Variants in ERI1 observed in about 807,000 individuals in gnomAD.
ERI1 encodes exoribonuclease 1, also known as 3'-5' exoribonuclease 1.
In ERI1, 39 loss-of-function variants were observed where a neutral mutation model predicts 39.7. The observed-to-expected ratio is 0.98, with a 90% CI of 0.76 to 1.28. The LOEUF (loss-of-function observed/expected upper bound fraction) is 1.28, where lower values mean the gene tolerates loss of function less well. Among genes scored for constraint, ERI1 ranks in the 50% most tolerant of loss-of-function variants. The pLI is 0.00. For synonymous variants in ERI1, 204 were observed against 149.6 expected (o/e 1.36, Z -2.65); for missense variants, 581 against 416.9 (o/e 1.39, Z -3.43).
At chr8:9,021,992 C>T (rs1419036155) in intron 6 of ERI1, among the ~76,000 whole-genome samples, 1 of 151,468 alleles carries the variant, frequency 6.6e-6, no homozygotes, top group Non-Finnish European at 1.5e-5. Flanking sequence ...TCTGTGCACT[C>T]GTTTTTCTAA....
At chr8:9,070,214 G>T (rs974608103) in intron 3 of ERI1, among the ~76,000 whole-genome samples, 3 of 151,962 alleles carry the variant, frequency 2.0e-5, no homozygotes, top group African/African-American at 7.3e-5. Flanking sequence ...ACTCCAACCT[G>T]GGTGAGAGTG....
intron 3 of ERI1, among the ~76,000 whole-genome samples, chr8:9,084,453 C>T (rs1215958877): frequency 1.3e-5 from 2 of 152,144 alleles, no homozygotes; most frequent in Non-Finnish European, 1.5e-5. Context: ...GGTTGCCCCA[C>T]GTTTATCATT....
rs1797509755 is a variant in ERI1 at position 9,030,482 on chromosome 8, A to G, written c.*448A>G. ...CTTATCTAGCCTTTGGATTTCAAGAATATCATAGTCCTTTTGATTTTCAAA... is the reference window on the plus strand; with the variant it reads ...CTTATCTAGCCTTTGGATTTCAAGAGTATCATAGTCCTTTTGATTTTCAAA... On this transcript the variant is annotated 3_prime_UTR_variant, in exon 7 of 7. Coordinates refer to ENST00000250263, the MANE Select transcript of ERI1 (RefSeq NM_153332.4). 2 of 166,098 alleles carry G rather than the reference A, an allele frequency of 1.2e-5. No homozygotes were observed. Among genetic ancestry groups the G allele is most frequent in the Non-Finnish European group, 1.3e-5 (1 of 74,530 alleles). 10.3% of individuals were successfully genotyped at this position (166,098 alleles called of 1,614,324 possible).
intron 3 of ERI1, among the ~76,000 whole-genome samples, chr8:9,039,017 T>G (rs1330175015): frequency 2.0e-5 from 3 of 152,204 alleles, no homozygotes; most frequent in Non-Finnish European, 2.9e-5. Context: ...CTTGTTTATT[T>G]TTGTTGAAAA....
chr8:9,065,555 C>T (rs184600843), intron 3 of ERI1, among the ~76,000 whole-genome samples: 67 of 151,826 alleles, frequency 4.4e-4, no homozygotes, highest in Non-Finnish European at 9.1e-4. Flanking sequence ...ATTAGCCAGG[C>T]GTAGTGGGGG....
chr8:9,081,845 C>T (rs886404806), intron 3 of ERI1, among the ~76,000 whole-genome samples: 8 of 152,086 alleles, frequency 5.3e-5, no homozygotes, highest in African/African-American at 1.9e-4. Context: ...CCCCACAACT[C>T]CCATTTCTTA....
chr8:9,061,405 G>GTA (rs200837205), intron 3 of ERI1, among the ~76,000 whole-genome samples: 2,241 of 152,326 alleles, frequency 0.015, 52 homozygotes, highest in South Asian at 0.11. Flanking sequence ...GGAGCAGAAA[G>GTA]TATATGCATC....
intron 3 of ERI1, among the ~76,000 whole-genome samples, chr8:9,049,336 C>CAAAAAAAAAAAAAAAAAAAAAAAAAAA (rs3989371): frequency 2.4e-4 from 8 of 33,242 alleles, no homozygotes; most frequent in Non-Finnish European, 3.7e-4. Flanking sequence ...ACTCCGTCTC[C>CAAAAAAAAAAAAAAAAAAAAAAAAAAA]AAAAAAAAAA....
At chr8:9,009,901 G>C (rs2915251) in intron 2 of ERI1, among the ~76,000 whole-genome samples, 66,820 of 152,058 alleles carry the variant, frequency 0.44, 15,505 homozygotes, top group East Asian at 0.71. Context: ...CAATGATAGT[G>C]AAATGATAGG....
At chr8:9,073,757 C>A (rs1174526762) in intron 3 of ERI1, among the ~76,000 whole-genome samples, 1 of 152,076 alleles carries the variant, frequency 6.6e-6, no homozygotes, top group Non-Finnish European at 1.5e-5. Flanking sequence ...TAAACTATTT[C>A]AATTAATCTT....
chr8:9,008,637 AG>A (rs1816308408), intron 2 of ERI1, among the ~76,000 whole-genome samples: 1 of 152,214 alleles, frequency 6.6e-6, no homozygotes, highest in South Asian at 2.1e-4. Flanking sequence ...CTGTATATTG[AG>A]TGAGAAAACA....
At chr8:9,064,200 G>A (rs1188886434) in intron 3 of ERI1, among the ~76,000 whole-genome samples, 1 of 148,820 alleles carries the variant, frequency 6.7e-6, no homozygotes, top group African/African-American at 2.5e-5. Context: ...TTGCCCCCTA[G>A]AGAAGCGATA....
intron 3 of ERI1, among the ~76,000 whole-genome samples, chr8:9,050,199 G>T (rs868009321): frequency 6.6e-6 from 1 of 151,068 alleles, no homozygotes; most frequent in East Asian, 1.9e-4. Context: ...AGCTATTTTC[G>T]CCTTACTATT....
chr8:9,074,690 T>A (rs545858764), intron 3 of ERI1, among the ~76,000 whole-genome samples: 88 of 152,336 alleles, frequency 5.8e-4, no homozygotes, highest in African/African-American at 2.0e-3. Flanking sequence ...CGTCTTGGGC[T>A]TCCAAAGTTG....
In ERI1 at chr8:9,029,803, C is replaced by G. The variant is rs755609553; in HGVS notation, c.819C>G (p.Ser273Arg). The G allele has an allele frequency of 1.2e-6, 2 of 1,614,066 alleles. No individual in the cohort carries two copies. The highest frequency in any genetic ancestry group is 8.5e-7 in the Non-Finnish European group (1 of 1,180,002). ...TGTTTATTTTTCAGGTTCCTAGAAG[C>G]CAAACCAAACTGACAATAATGCTTG... The part of the protein sequence containing the change: ...SYGNFYKVPR[S>R]QTKLTIMLEK... Residue 273 changes from serine to arginine, a missense_variant, in exon 7 of 7, where the codon AGC becomes AGG. Ser to Arg is a moderately radical substitution (Grantham distance 110, BLOSUM62 -1). Transcript: ENST00000250263.
chr8:9,027,260 A>T (rs930045909), intron 6 of ERI1, among the ~76,000 whole-genome samples: 1 of 151,872 alleles, frequency 6.6e-6, no homozygotes, highest in African/African-American at 2.4e-5. Flanking sequence ...GATGTTGAGC[A>T]TCTTTTCATG....
chr8:9,051,449 G>C (rs1798352397), intron 3 of ERI1, among the ~76,000 whole-genome samples: 1 of 152,054 alleles, frequency 6.6e-6, no homozygotes, highest in Non-Finnish European at 1.5e-5. Context: ...TTGAGGTCAG[G>C]AGTTCGAGAA....
At chr8:9,070,794 A>G (rs1799021753) in intron 3 of ERI1, among the ~76,000 whole-genome samples, 1 of 152,258 alleles carries the variant, frequency 6.6e-6, no homozygotes, top group African/African-American at 2.4e-5. Flanking sequence ...AATTTTTACT[A>G]AAGCTCCATG....
At chr8:9,014,397 C>T (rs751164467) in intron 3 of ERI1, among the ~76,000 whole-genome samples, 2 of 152,144 alleles carry the variant, frequency 1.3e-5, no homozygotes, top group African/African-American at 2.4e-5. Flanking sequence ...GGCCTGTGCC[C>T]ATGTTTCTGA....
Sources: allele counts gnomAD v4.1 joint callset (sites outside exome capture counted in the v4.1 genomes callset), GRCh38; gene constraint gnomAD v4.1.1; transcripts MANE v1.5; gene names NCBI Gene and HGNC (gene_info 2026-07-23, HGNC 2026-07-21).